C1D: variants seen among roughly 807,000 people sequenced by gnomAD.
The protein encoded by C1D is C1D nuclear receptor corepressor.
In C1D, 10 loss-of-function variants were observed where a neutral mutation model predicts 17.5. The ratio of observed to expected loss-of-function variants is 0.57; its 90% CI spans 0.35 to 0.97. The LOEUF is 0.97. Ranked by LOEUF, C1D falls within the 50% of genes least tolerant of loss-of-function variation. C1D has a pLI of 0.01. For missense variants in C1D, 136 were observed against 160.1 expected, an observed-to-expected ratio of 0.85 and a Z score of 0.81; for synonymous variants, 49 against 54.0, an observed-to-expected ratio of 0.91 and a Z score of 0.40.
chr2:68,052,321 C>A (rs571755089), intron 1 of C1D, among the ~76,000 whole-genome samples: 9 of 152,218 alleles, frequency 5.9e-5, no homozygotes, highest in African/African-American at 2.2e-4. Context: ...AAAGCAGACT[C>A]ATTTTTTTAA....
intron 1 of C1D, among the ~76,000 whole-genome samples, chr2:68,058,662 G>A (rs945046534): frequency 2.0e-5 from 3 of 152,106 alleles, no homozygotes; most frequent in Non-Finnish European, 4.4e-5. Context: ...GATGCTCTCT[G>A]GACAAAATCT....
intron 1 of C1D, among the ~76,000 whole-genome samples, chr2:68,059,826 C>T (rs1415720707): frequency 1.3e-5 from 2 of 152,206 alleles, no homozygotes; most frequent in Non-Finnish European, 2.9e-5. Flanking sequence ...CTTCTCTTTT[C>T]TGTCTACATT....
intron 1 of C1D, among the ~76,000 whole-genome samples, chr2:68,062,622 G>GT (rs891988496): frequency 3.3e-5 from 5 of 152,170 alleles, no homozygotes; most frequent in African/African-American, 1.2e-4. Context: ...AGACTTCAAT[G>GT]TTTTTTGATT....
chr2:68,050,957 T>C (rs1052259232), intron 1 of C1D, among the ~76,000 whole-genome samples: 15 of 152,218 alleles, frequency 9.9e-5, no homozygotes, highest in Non-Finnish European at 1.6e-4. Context: ...AGAGTGATCC[T>C]TGACTACTCT....
Position 68,042,423 on chromosome 2 carries a change from T to C in C1D, c.*466A>G, listed in dbSNP as rs1670983473. The C allele has an allele frequency of 1.3e-5, 2 of 152,698 alleles. No homozygotes were observed. The highest frequency in any genetic ancestry group is 2.4e-5 in the African/African-American group (1 of 41,454). The allele number at this position is 152,698 out of a possible 1,614,324, so 9.5% of individuals were successfully genotyped here. ...AATTCCTAAAATCATGAAAACATGA[T>C]AAAGTATCTATACAGAAAAAAATGA... On this transcript the variant is annotated 3_prime_UTR_variant, in exon 5 of 5. Coordinates refer to ENST00000410067, the MANE Select transcript of C1D (RefSeq NM_173177.3).
chr2:68,062,157 T>C (rs1229315652), intron 1 of C1D, among the ~76,000 whole-genome samples: 1 of 152,224 alleles, frequency 6.6e-6, no homozygotes. Flanking sequence ...AAACATCTCG[T>C]GTACCCCATA....
In C1D at chr2:68,043,711, G is replaced by C. The variant is rs576068956; in HGVS notation, c.262-658C>G. On this transcript the variant is annotated intron_variant, in intron 4 of 4. Transcript: ENST00000410067. Reference sequence around the variant, plus strand: ...TAATCAGCATAAATGGCTATCTTACGCTTCAAATGAAGAAATAAAGTTGAT... The same window carrying C: ...TAATCAGCATAAATGGCTATCTTACCCTTCAAATGAAGAAATAAAGTTGAT... Among the ~76,000 whole-genome samples the C allele has an allele frequency of 2.2e-4, 33 of 152,238 alleles. No homozygotes were observed. The East Asian group carries it at 3.3e-3, about 15-fold the overall frequency.
Position 68,042,934 on chromosome 2 carries a change from C to T in C1D, c.381G>A (p.Ser127=), listed in dbSNP as rs1234757125. 10 of 1,533,932 alleles carry T rather than the reference C, an allele frequency of 6.5e-6. No individual in the cohort carries two copies. The highest frequency in any genetic ancestry group is 1.2e-5 in the South Asian group (1 of 85,766). ...FVKNALWEPK[S]KNASKVANKG... Reference sequence around the variant, plus strand: ...TATTGGCAACTTTTGATGCATTTTTCGATTTTGGTTCCCAGAGGGCATTTT... The same window carrying T: ...TATTGGCAACTTTTGATGCATTTTTTGATTTTGGTTCCCAGAGGGCATTTT... The change falls in exon 5 of 5, where the codon TCG becomes TCA. Residue 127 remains serine, a synonymous_variant. Transcript: ENST00000410067.
At chr2:68,051,630 C>T (rs1671284544) in intron 1 of C1D, among the ~76,000 whole-genome samples, 1 of 152,186 alleles carries the variant, frequency 6.6e-6, no homozygotes, top group South Asian at 2.1e-4. Context: ...TTATTTCATT[C>T]CAGCCACATT....
At chr2:68,047,952 G>A (rs1671178597) in intron 1 of C1D, among the ~76,000 whole-genome samples, 1 of 151,968 alleles carries the variant, frequency 6.6e-6, no homozygotes, top group South Asian at 2.1e-4. Flanking sequence ...GTTGATCTAG[G>A]AGCATATTAT....
intron 1 of C1D, among the ~76,000 whole-genome samples, chr2:68,061,322 C>T (rs1314024459): frequency 6.6e-6 from 1 of 152,168 alleles, no homozygotes; most frequent in Non-Finnish European, 1.5e-5. Flanking sequence ...TTCAGTCCCA[C>T]AGTACAATTC....
At chr2:68,047,349 A>G (rs765182145) in intron 1 of C1D, 30 bp from the exon 2 acceptor site, 4 of 1,572,078 alleles carry the variant, frequency 2.5e-6, no homozygotes, top group East Asian at 2.3e-5. Context: ...TTGAATTCAT[A>G]TTAGAGACAG....
At chr2:68,052,977 A>T (rs1671332260) in intron 1 of C1D, 1 of 1,506,760 alleles carries the variant, frequency 6.6e-7, no homozygotes, top group Non-Finnish European at 8.9e-7. Context: ...TAAACCTCAC[A>T]GATGAATAAA....
chr2:68,046,546 T>G (rs537081694), intron 2 of C1D, 136 bp from the exon 3 acceptor site: 73 of 575,094 alleles, frequency 1.3e-4, no homozygotes, highest in Admixed American at 5.9e-4. Flanking sequence ...CTTCATATAA[T>G]CCAATAACCA....
chr2:68,054,827 G>C (rs372662235), intron 1 of C1D, among the ~76,000 whole-genome samples: 1 of 151,834 alleles, frequency 6.6e-6, no homozygotes. Flanking sequence ...TTAGCTGGGC[G>C]TGATGGCATA....
At chr2:68,047,429 T>TA in intron 1 of C1D, 110 bp from the exon 2 acceptor site, 2 of 714,558 alleles carry the variant, frequency 2.8e-6, no homozygotes, top group Non-Finnish European at 4.3e-6. Flanking sequence ...CACTAAGAGT[T>TA]AAAACCTGAA....
chr2:68,057,710 A>G (rs566821486), intron 1 of C1D, among the ~76,000 whole-genome samples: 2 of 152,212 alleles, frequency 1.3e-5, no homozygotes, highest in Non-Finnish European at 2.9e-5. Context: ...TCAAATTTTG[A>G]AATTTACTTT....
At chr2:68,050,589 A>T (rs1205211931) in intron 1 of C1D, among the ~76,000 whole-genome samples, 1 of 151,936 alleles carries the variant, frequency 6.6e-6, no homozygotes, top group Non-Finnish European at 1.5e-5. Flanking sequence ...TTTCTATCTC[A>T]CTGGCTCCTT....
intron 1 of C1D, among the ~76,000 whole-genome samples, chr2:68,051,650 C>T (rs1671285216): frequency 1.3e-5 from 2 of 152,104 alleles, no homozygotes; most frequent in Non-Finnish European, 1.5e-5. Context: ...TGTTCTTCCC[C>T]CACGACATCA....
Sources: gnomAD v4.1 joint callset for allele counts (sites outside exome capture counted in the v4.1 genomes callset) on GRCh38, gnomAD v4.1.1 for gene constraint, MANE v1.5 for transcripts, NCBI Gene and HGNC (gene_info 2026-07-23, HGNC 2026-07-21) for gene names.